RIMS1: variants seen among roughly 807,000 people sequenced by gnomAD.
RIMS1 encodes the protein regulating synaptic membrane exocytosis 1, also known as regulating synaptic membrane exocytosis protein 1.
A neutral mutation model predicts 214.1 loss-of-function variants in RIMS1; 83 were observed. The observed-to-expected ratio is 0.39, with a 90% CI of 0.32 to 0.47. The LOEUF is 0.47. Among genes scored for constraint, RIMS1 ranks in the 20% least tolerant of loss-of-function variants. The pLI, the probability that RIMS1 is intolerant of heterozygous loss-of-function variation, is 0.99. For missense variants in RIMS1, 2,050 were observed against 2,161.8 expected, an observed-to-expected ratio of 0.95 and a Z score of 1.03; for synonymous variants, 793 against 786.8, an observed-to-expected ratio of 1.01 and a Z score of -0.13.
chr6:71,982,685 C>T (rs1313313635), intron 2 of RIMS1, among the ~76,000 whole-genome samples: 1 of 152,132 alleles, frequency 6.6e-6, no homozygotes, highest in Non-Finnish European at 1.5e-5. Flanking sequence ...ATCTCTGAAT[C>T]GTCTCACATC....
At chr6:71,887,471 C>T (rs1010288280) in intron 1 of RIMS1, among the ~76,000 whole-genome samples, 5 of 151,942 alleles carry the variant, frequency 3.3e-5, no homozygotes, top group African/African-American at 9.7e-5. Flanking sequence ...GGGCCACGCT[C>T]GTGGTGGGAA....
chr6:72,268,411 T>G (rs1019743847), intron 22 of RIMS1, among the ~76,000 whole-genome samples: 3 of 152,204 alleles, frequency 2.0e-5, no homozygotes, highest in Non-Finnish European at 2.9e-5. Context: ...TTTTATATTC[T>G]TAAGAGATGA....
chr6:72,003,349 T>A (rs1365304799), intron 2 of RIMS1, among the ~76,000 whole-genome samples: 2 of 152,072 alleles, frequency 1.3e-5, no homozygotes, highest in Non-Finnish European at 2.9e-5. Flanking sequence ...GATTTTAAGT[T>A]CCATAGGGCA....
intron 1 of RIMS1, among the ~76,000 whole-genome samples, chr6:71,967,411 C>G (rs1219492947): frequency 4.6e-5 from 7 of 152,080 alleles, no homozygotes; most frequent in African/African-American, 1.2e-4. Flanking sequence ...AAAAATGCTG[C>G]ATCTGCTATT....
chr6:72,316,228 A>G (rs1232959116), intron 28 of RIMS1, among the ~76,000 whole-genome samples: 1 of 152,162 alleles, frequency 6.6e-6, no homozygotes, highest in African/African-American at 2.4e-5. Flanking sequence ...GCAGGACTTC[A>G]GGCTGGATCT....
intron 2 of RIMS1, among the ~76,000 whole-genome samples, chr6:72,090,146 T>TTAAAACTAAAA (rs1562287057): frequency 6.6e-6 from 1 of 152,040 alleles, no homozygotes; most frequent in Non-Finnish European, 1.5e-5. Flanking sequence ...ATTGTGCACA[T>TTAAAACTAAAA]GTACCCTAAA....
chr6:72,033,806 A>G (rs980766250), intron 2 of RIMS1, among the ~76,000 whole-genome samples: 1 of 152,130 alleles, frequency 6.6e-6, no homozygotes, highest in African/African-American at 2.4e-5. Context: ...GTTGTTTGGC[A>G]TGAACATTCC....
chr6:72,172,108 G>A (rs978957275), intron 4 of RIMS1, among the ~76,000 whole-genome samples: 1 of 151,964 alleles, frequency 6.6e-6, no homozygotes, highest in Non-Finnish European at 1.5e-5. Context: ...GAAATACTAT[G>A]AATTTAATTC....
intron 28 of RIMS1, among the ~76,000 whole-genome samples, chr6:72,327,174 T>C (rs1200850918): frequency 6.6e-6 from 1 of 151,820 alleles, no homozygotes; most frequent in African/African-American, 2.4e-5. Flanking sequence ...TGATGTGTCT[T>C]AATACTGATG....
intron 29 of RIMS1, among the ~76,000 whole-genome samples, chr6:72,345,274 A>C (rs1362798187): frequency 6.6e-6 from 1 of 151,730 alleles, no homozygotes; most frequent in Non-Finnish European, 1.5e-5. Flanking sequence ...TGGTATCACC[A>C]CTAATTGCAA....
At chr6:72,372,023 G>C (rs534530958) in intron 29 of RIMS1, among the ~76,000 whole-genome samples, 2 of 152,266 alleles carry the variant, frequency 1.3e-5, no homozygotes, top group South Asian at 4.1e-4. Flanking sequence ...TCAGAATGTG[G>C]AGTATTAGAA....
chr6:72,349,534 T>C (rs1486492186), intron 29 of RIMS1, among the ~76,000 whole-genome samples: 1 of 151,908 alleles, frequency 6.6e-6, no homozygotes, highest in East Asian at 1.9e-4. Context: ...ACATATATAT[T>C]AATATTTTTA....
chr6:71,985,412 T>C (rs935380578), intron 2 of RIMS1, among the ~76,000 whole-genome samples: 1 of 151,918 alleles, frequency 6.6e-6, no homozygotes, highest in African/African-American at 2.4e-5. Context: ...ATAAAATAGA[T>C]AAATTATATT....
rs9442736 is a variant in RIMS1, at chr6:72,098,820, C to T, written c.460-1155C>T. On this transcript the variant is annotated intron_variant, in intron 3 of 33. Coordinates refer to ENST00000521978, the MANE Select transcript of RIMS1 (RefSeq NM_014989.7). The stretch of plus-strand genomic sequence containing the variant: ...CTTATGACTCCATAAGTTTTCTTTT[C>T]CTCTCCTAATAGTGGTTTGTTATAG... Among the ~76,000 whole-genome samples, 1,103 of 152,150 alleles carry T rather than the reference C, an allele frequency of 7.2e-3. 15 individuals are homozygous for T. The highest frequency in any genetic ancestry group is 0.026 in the African/African-American group (1,068 of 41,474).
At chr6:72,223,670 A>C (rs1348196486) in intron 6 of RIMS1, among the ~76,000 whole-genome samples, 2 of 152,104 alleles carry the variant, frequency 1.3e-5, no homozygotes. Flanking sequence ...GTTGCAGGCC[A>C]GGTGCGGTGG....
chr6:72,115,373 C>T (rs17725032), intron 4 of RIMS1, among the ~76,000 whole-genome samples: 1,589 of 151,936 alleles, frequency 0.01, 9 homozygotes, highest in Non-Finnish European at 0.016. Flanking sequence ...TGCTATCCTT[C>T]GTATGTCAAT....
intron 2 of RIMS1, among the ~76,000 whole-genome samples, chr6:72,017,923 A>G (rs1195455672): frequency 1.3e-5 from 2 of 152,234 alleles, no homozygotes; most frequent in African/African-American, 2.4e-5. Flanking sequence ...CTGGGGAGGC[A>G]TGTGTGCTTG....
chr6:71,978,786 C>T (rs899909194), intron 2 of RIMS1, among the ~76,000 whole-genome samples: 1 of 152,002 alleles, frequency 6.6e-6, no homozygotes, highest in Non-Finnish European at 1.5e-5. Context: ...AGTTGTATTA[C>T]CACCTGCAGT....
At chr6:71,956,260 G>A (rs1318787553) in intron 1 of RIMS1, among the ~76,000 whole-genome samples, 2 of 151,984 alleles carry the variant, frequency 1.3e-5, no homozygotes, top group African/African-American at 4.8e-5. Flanking sequence ...TAAGATTGTT[G>A]TATTGTTAGG....
Sources: allele counts gnomAD v4.1 joint callset (sites outside exome capture counted in the v4.1 genomes callset), GRCh38; gene constraint gnomAD v4.1.1; transcripts MANE v1.5; gene names NCBI Gene and HGNC (gene_info 2026-07-23, HGNC 2026-07-21).